The following CD96 variants were observed in gnomAD, a reference collection of about 807,000 sequenced individuals.
The protein encoded by CD96 is CD96 molecule, also known as T-cell surface protein tactile.
In CD96, 70 loss-of-function variants were observed where a neutral mutation model predicts 71.3. That is an observed-to-expected ratio of 0.98 (90% CI 0.81 to 1.20). The LOEUF is 1.20. CD96 is among the 50% of genes most tolerant of loss of function. The pLI, the probability that CD96 is intolerant of heterozygous loss-of-function variation, is 0.00. For synonymous variants in CD96, 248 were observed against 233.0 expected (o/e 1.06, Z -0.59); for missense variants, 742 against 677.5 (o/e 1.10, Z -1.06).
intron 6 of CD96, among the ~76,000 whole-genome samples, chr3:111,598,946 T>C (rs1367198865): frequency 2.0e-5 from 3 of 151,668 alleles, no homozygotes; most frequent in Non-Finnish European, 4.4e-5. Context: ...CACACAACTC[T>C]TTCTGAATTA....
At chr3:111,597,801 T>C (rs765697938) in intron 5 of CD96, among the ~76,000 whole-genome samples, 2 of 152,194 alleles carry the variant, frequency 1.3e-5, no homozygotes, top group Non-Finnish European at 2.9e-5. Flanking sequence ...TTCCATTTAG[T>C]ATTATTTTAT....
At chr3:111,625,395 C>T (rs1938701466) in intron 10 of CD96, among the ~76,000 whole-genome samples, 1 of 152,072 alleles carries the variant, frequency 6.6e-6, no homozygotes, top group African/African-American at 2.4e-5. Context: ...ATGTAATAGA[C>T]ACCCATGAAC....
intron 1 of CD96, among the ~76,000 whole-genome samples, chr3:111,544,578 T>C (rs78226303): frequency 0.021 from 3,259 of 152,292 alleles, 131 homozygotes; most frequent in African/African-American, 0.075. Flanking sequence ...CTTGTAAACA[T>C]GTATTTTTCA....
chr3:111,544,801 C>G (rs141231002), intron 1 of CD96, among the ~76,000 whole-genome samples: 18 of 152,150 alleles, frequency 1.2e-4, no homozygotes, highest in African/African-American at 4.1e-4. Context: ...TTGGTCAGAC[C>G]AACACATAGA....
chr3:111,583,990 A>T (rs911278527), intron 4 of CD96, among the ~76,000 whole-genome samples: 3 of 152,192 alleles, frequency 2.0e-5, no homozygotes, highest in Non-Finnish European at 2.9e-5. Flanking sequence ...TCTCTTTTCT[A>T]TTGCATAGTC....
chr3:111,583,490 C>T (rs974820580), intron 4 of CD96, among the ~76,000 whole-genome samples: 1 of 152,246 alleles, frequency 6.6e-6, no homozygotes, highest in Non-Finnish European at 1.5e-5. Flanking sequence ...GCTCCAACCC[C>T]ACATTTCCCT....
rs1036486281 is a variant in CD96 at position 111,560,222 on chromosome 3, G to T, written c.419-7301G>T. Reference sequence around the variant, plus strand: ...AGTCCATTTACATTTAAAGTTAATAGTGTTATGTGTGAATTTGATCCTGTC... The same window carrying T: ...AGTCCATTTACATTTAAAGTTAATATTGTTATGTGTGAATTTGATCCTGTC... On this transcript the variant is annotated intron_variant, in intron 2 of 13. Transcript: ENST00000352690. Among the ~76,000 whole-genome samples the T allele has an allele frequency of 3.6e-3, 544 of 151,954 alleles. 3 individuals carry two copies. The highest frequency in any genetic ancestry group is 8.1e-3 in the African/African-American group (334 of 41,418).
intron 7 of CD96, among the ~76,000 whole-genome samples, chr3:111,605,912 A>G (rs1484126331): frequency 6.6e-6 from 1 of 152,232 alleles, no homozygotes; most frequent in Non-Finnish European, 1.5e-5. Context: ...TATATCTACA[A>G]AAATCATAAA....
At chr3:111,616,160 A>AT (rs139806410) in intron 8 of CD96, among the ~76,000 whole-genome samples, 18,205 of 152,178 alleles carry the variant, frequency 0.12, 1,221 homozygotes, top group Non-Finnish European at 0.14. Context: ...CTCTCCACAC[A>AT]TAAAAAAAGT....
intron 2 of CD96, among the ~76,000 whole-genome samples, chr3:111,558,087 C>G (rs1194327949): frequency 7.3e-4 from 108 of 147,820 alleles, no homozygotes; most frequent in Non-Finnish European, 1.2e-3. Context: ...AGTTGCTTAT[C>G]AGCTTAAGGA....
chr3:111,612,925 C>A, intron 8 of CD96: 1 of 316,674 alleles, frequency 3.2e-6, no homozygotes, highest in Non-Finnish European at 4.6e-6. Context: ...AGCCCACCCC[C>A]GCCATCAACA....
intron 2 of CD96, among the ~76,000 whole-genome samples, chr3:111,565,608 A>G (rs1418542447): frequency 1.3e-5 from 2 of 152,114 alleles, no homozygotes; most frequent in African/African-American, 2.4e-5. Context: ...AAATATGGCA[A>G]AAAATGATGA....
intron 5 of CD96, among the ~76,000 whole-genome samples, chr3:111,586,343 A>G (rs1936712946): frequency 6.6e-6 from 1 of 152,152 alleles, no homozygotes; most frequent in Non-Finnish European, 1.5e-5. Context: ...ATAACTTACA[A>G]TCTCTGGTCT....
At chr3:111,565,759 A>G (rs1559723833) in intron 2 of CD96, among the ~76,000 whole-genome samples, 4 of 151,722 alleles carry the variant, frequency 2.6e-5, no homozygotes, top group Admixed American at 1.3e-4. Context: ...AGAGCAAGGA[A>G]AGCACTGATC....
At chr3:111,616,088 T>C (rs1938220641) in intron 8 of CD96, among the ~76,000 whole-genome samples, 1 of 152,180 alleles carries the variant, frequency 6.6e-6, no homozygotes, top group African/African-American at 2.4e-5. Context: ...CTGTTCCCCT[T>C]TTTTGGCTGT....
intron 5 of CD96, chr3:111,594,228 G>T (rs747855810): frequency 2.0e-6 from 3 of 1,527,612 alleles, no homozygotes; most frequent in South Asian, 2.6e-5. Flanking sequence ...CGTTCTTTAT[G>T]ATGTGCTTAG....
At chr3:111,611,320 A>G (rs1356602623) in intron 8 of CD96, among the ~76,000 whole-genome samples, 1 of 152,206 alleles carries the variant, frequency 6.6e-6, no homozygotes, top group Non-Finnish European at 1.5e-5. Context: ...GAAGCAACTG[A>G]CCAGGGGATG....
At chr3:111,571,584 A>G (rs1218804851) in intron 3 of CD96, among the ~76,000 whole-genome samples, 1 of 152,106 alleles carries the variant, frequency 6.6e-6, no homozygotes, top group Non-Finnish European at 1.5e-5. Flanking sequence ...TGAGAGGGTG[A>G]ATCTTAAACA....
At chr3:111,596,911 G>A (rs1937286069) in intron 5 of CD96, among the ~76,000 whole-genome samples, 1 of 152,180 alleles carries the variant, frequency 6.6e-6, no homozygotes, top group Non-Finnish European at 1.5e-5. Context: ...GGATATGCTA[G>A]ACAACCCCCT....
Sources: gnomAD v4.1 joint callset for allele counts (sites outside exome capture counted in the v4.1 genomes callset) on GRCh38, gnomAD v4.1.1 for gene constraint, MANE v1.5 for transcripts, NCBI Gene and HGNC (gene_info 2026-07-23, HGNC 2026-07-21) for gene names.